Variants in DLGAP2 observed in about 807,000 individuals in gnomAD.
The protein encoded by DLGAP2 is DLG associated protein 2.
In DLGAP2, 26 loss-of-function variants were observed where a neutral mutation model predicts 100.3. The ratio of observed to expected loss-of-function variants is 0.26; its 90% CI spans 0.19 to 0.36. The LOEUF (loss-of-function observed/expected upper bound fraction) is 0.36, where lower values mean the gene tolerates loss of function less well. DLGAP2 is among the 10% of genes least tolerant of loss of function. DLGAP2 has a pLI of 1.00. For missense variants in DLGAP2, 1,858 were observed against 1,453.2 expected (o/e 1.28, Z -4.53); for synonymous variants, 886 against 630.1 (o/e 1.41, Z -6.08).
intron 3 of DLGAP2, among the ~76,000 whole-genome samples, chr8:1,366,258 A>G (rs1333360688): frequency 6.6e-6 from 1 of 152,224 alleles, no homozygotes; most frequent in African/African-American, 2.4e-5. Context: ...TAAAGTAAAC[A>G]TTTATCACCC....
rs181106083 is a variant in DLGAP2 at position 1,476,430 on chromosome 8, G to A, written c.107-24936G>A. On this transcript the variant is annotated intron_variant, in intron 3 of 14. Transcript: ENST00000637795. ...TTCTTCCCCTCTACACTCCAAGGGC[G>A]TCACCTGTTCCTTCCTGTTTTTTAT... 3.6e-3 allele frequency among the ~76,000 whole-genome samples: 546 copies of A among 152,232 alleles called. 8 individuals are homozygous for A. Among genetic ancestry groups the A allele is most frequent in the African/African-American group, 0.012 (516 of 41,536 alleles).
intron 3 of DLGAP2, among the ~76,000 whole-genome samples, chr8:1,359,104 G>C (rs564584291): frequency 4.6e-5 from 7 of 152,174 alleles, no homozygotes; most frequent in Non-Finnish European, 8.8e-5. Flanking sequence ...GGTTGCTGAG[G>C]TCATCAGTCC....
chr8:1,427,066 T>C (rs917252313), intron 3 of DLGAP2, among the ~76,000 whole-genome samples: 8 of 152,212 alleles, frequency 5.3e-5, no homozygotes, highest in African/African-American at 1.4e-4. Flanking sequence ...TTTAATAAAC[T>C]TTAGTTAAGG....
chr8:1,277,698 C>G (rs1467207523), intron 3 of DLGAP2, among the ~76,000 whole-genome samples: 4 of 152,124 alleles, frequency 2.6e-5, no homozygotes, highest in Non-Finnish European at 5.9e-5. Flanking sequence ...TCCAGGCTGG[C>G]AGCAGCTGCA....
intron 8 of DLGAP2, among the ~76,000 whole-genome samples, chr8:1,647,900 A>G (rs117226074): frequency 0.015 from 2,340 of 152,224 alleles, 23 homozygotes; most frequent in Middle Eastern, 0.044. Context: ...GCGTCCTCAC[A>G]TGGTGGAAAA....
At chr8:752,840 C>CCT (rs1180035452) in intron 1 of DLGAP2, among the ~76,000 whole-genome samples, 1 of 152,090 alleles carries the variant, frequency 6.6e-6, no homozygotes, top group Non-Finnish European at 1.5e-5. Context: ...GGGCTCAGAG[C>CCT]CTCCCACTCC....
chr8:1,176,560 T>C (rs17753492), intron 2 of DLGAP2, among the ~76,000 whole-genome samples: 5,228 of 151,104 alleles, frequency 0.035, 132 homozygotes, highest in East Asian at 0.16. Flanking sequence ...TTATTGACGT[T>C]GTTCATGCTC....
chr8:1,466,658 G>A (rs985164467), intron 3 of DLGAP2, among the ~76,000 whole-genome samples: 3 of 152,146 alleles, frequency 2.0e-5, no homozygotes, highest in African/African-American at 7.2e-5. Context: ...GGATTAAAGA[G>A]CTGCTGCTAT....
chr8:1,589,080 G>C (rs1282326682), intron 6 of DLGAP2, among the ~76,000 whole-genome samples: 4 of 152,266 alleles, frequency 2.6e-5, no homozygotes, highest in Admixed American at 2.0e-4. Flanking sequence ...AACTAATAAT[G>C]TATGAATGCA....
At chr8:885,747 T>C (rs975332425) in intron 1 of DLGAP2, among the ~76,000 whole-genome samples, 12 of 152,204 alleles carry the variant, frequency 7.9e-5, no homozygotes, top group Admixed American at 3.9e-4. Context: ...AATATGATAT[T>C]GGCTGTGGGT....
chr8:1,590,814 G>C (rs1224639094), intron 6 of DLGAP2, among the ~76,000 whole-genome samples: 2 of 152,180 alleles, frequency 1.3e-5, no homozygotes, highest in Non-Finnish European at 2.9e-5. Flanking sequence ...CTCTGGTCCA[G>C]AGCAGACAGC....
At chr8:1,588,871 G>A (rs1460951906) in intron 6 of DLGAP2, among the ~76,000 whole-genome samples, 2 of 152,028 alleles carry the variant, frequency 1.3e-5, no homozygotes, top group Non-Finnish European at 2.9e-5. Context: ...GCATTGAGCC[G>A]AGATCACGCC....
intron 3 of DLGAP2, among the ~76,000 whole-genome samples, chr8:1,336,566 G>T (rs2117070946): frequency 6.6e-6 from 1 of 152,328 alleles, no homozygotes; most frequent in Non-Finnish European, 1.5e-5. Flanking sequence ...TGGGGTCTGG[G>T]CTTGGCACAA....
chr8:1,498,654 C>A (rs1799619235), intron 3 of DLGAP2, among the ~76,000 whole-genome samples: 1 of 152,134 alleles, frequency 6.6e-6, no homozygotes, highest in South Asian at 2.1e-4. Context: ...AAGAGAGTAA[C>A]CTGAATAACT....
intron 3 of DLGAP2, among the ~76,000 whole-genome samples, chr8:1,447,333 A>G (rs569796515): frequency 7.9e-5 from 12 of 152,284 alleles, no homozygotes; most frequent in Admixed American, 5.2e-4. Flanking sequence ...TTCTGCATCT[A>G]TTGAGATAAT....
chr8:813,102 T>C (rs1796401088), intron 1 of DLGAP2, among the ~76,000 whole-genome samples: 1 of 152,200 alleles, frequency 6.6e-6, no homozygotes, highest in African/African-American at 2.4e-5. Flanking sequence ...CTTTCTAAAT[T>C]ATATGTTATT....
intron 2 of DLGAP2, among the ~76,000 whole-genome samples, chr8:928,253 C>T (rs978331049): frequency 6.6e-6 from 1 of 152,262 alleles, no homozygotes; most frequent in Non-Finnish European, 1.5e-5. Context: ...GTCGAGTTTG[C>T]GTTCACTAGG....
chr8:1,258,611 T>TC (rs977954185), intron 2 of DLGAP2, among the ~76,000 whole-genome samples: 12 of 152,052 alleles, frequency 7.9e-5, no homozygotes, highest in African/African-American at 2.7e-4. Flanking sequence ...AAAAATTTTT[T>TC]TTAATTCTCA....
At chr8:743,897 C>T (rs868450326) in intron 1 of DLGAP2, among the ~76,000 whole-genome samples, 10 of 152,200 alleles carry the variant, frequency 6.6e-5, no homozygotes, top group Admixed American at 1.3e-4. Flanking sequence ...TTTCCGTGGC[C>T]GGGTCTTCAT....
Sources: allele counts gnomAD v4.1 joint callset (sites outside exome capture counted in the v4.1 genomes callset), GRCh38; gene constraint gnomAD v4.1.1; transcripts MANE v1.5; gene names NCBI Gene and HGNC (gene_info 2026-07-23, HGNC 2026-07-21).